The following KCNT2 variants were observed in gnomAD, a reference collection of about 807,000 sequenced individuals.
The protein encoded by KCNT2 is potassium channel subfamily T member 2.
Under a neutral mutation model 153.8 loss-of-function variants are expected in KCNT2, and 67 were observed. The ratio of observed to expected loss-of-function variants is 0.44; its 90% CI spans 0.36 to 0.53. The LOEUF is 0.53. Ranked by LOEUF, KCNT2 falls within the 20% of genes least tolerant of loss-of-function variation. The pLI is 0.00. For missense variants in KCNT2, 975 were observed against 1,354.8 expected, an observed-to-expected ratio of 0.72 and a Z score of 4.40; for synonymous variants, 500 against 458.8, an observed-to-expected ratio of 1.09 and a Z score of -1.15.
At chr1:196,398,981 A>C (rs1671183987) in intron 12 of KCNT2, among the ~76,000 whole-genome samples, 2 of 151,608 alleles carry the variant, frequency 1.3e-5, no homozygotes, top group African/African-American at 2.4e-5. Context: ...AGCAAAACTA[A>C]TAGTTTGTAA....
intron 13 of KCNT2, among the ~76,000 whole-genome samples, chr1:196,383,244 T>G (rs76571267): frequency 1.1e-3 from 171 of 152,316 alleles, no homozygotes; most frequent in African/African-American, 4.1e-3. Context: ...CGTAACCCAT[T>G]GCAAGCACAT....
intron 14 of KCNT2, among the ~76,000 whole-genome samples, chr1:196,371,842 A>G (rs1668565622): frequency 6.6e-6 from 1 of 152,080 alleles, no homozygotes; most frequent in African/African-American, 2.4e-5. Flanking sequence ...TGTGTTATAT[A>G]GTGTTTATGG....
At chr1:196,312,386 C>A (rs570839849) in intron 21 of KCNT2, among the ~76,000 whole-genome samples, 4 of 150,958 alleles carry the variant, frequency 2.6e-5, no homozygotes, top group Admixed American at 6.6e-5. Flanking sequence ...GTGTCCCCTC[C>A]GCGAGAAAAA....
Position 196,310,262 on chromosome 1 carries a change from T to C in KCNT2, c.2484-4917A>G, listed in dbSNP as rs181645317. Among the ~76,000 whole-genome samples, 182 of 152,030 alleles carry C rather than the reference T, an allele frequency of 1.2e-3. 1 individual carries two copies. The highest frequency in any genetic ancestry group is 4.2e-3 in the African/African-American group (176 of 41,534). ...TTAATTAACAGGGGGTATACATTAA[T>C]AGGAGGTATACAGACACACTTAGAT... On this transcript the variant is annotated intron_variant, in intron 21 of 27. Coordinates refer to ENST00000294725, the MANE Select transcript of KCNT2 (RefSeq NM_198503.5).
At chr1:196,562,632 A>G (rs926019995) in intron 1 of KCNT2, among the ~76,000 whole-genome samples, 1 of 151,992 alleles carries the variant, frequency 6.6e-6, no homozygotes, top group African/African-American at 2.4e-5. Context: ...GGGGAAAAAA[A>G]CAAAAATAAT....
intron 22 of KCNT2, among the ~76,000 whole-genome samples, chr1:196,289,929 T>C (rs1660031478): frequency 6.6e-6 from 1 of 152,088 alleles, no homozygotes; most frequent in African/African-American, 2.4e-5. Flanking sequence ...ATGTTTGGTC[T>C]TACCTACTTT....
chr1:196,380,949 G>T (rs77824746), intron 13 of KCNT2, among the ~76,000 whole-genome samples: 5,032 of 152,224 alleles, frequency 0.033, 120 homozygotes, highest in South Asian at 0.07. Context: ...AATTCAGATT[G>T]TGAGGCATTC....
At chr1:196,594,672 G>A (rs540605198) in intron 1 of KCNT2, among the ~76,000 whole-genome samples, 1 of 152,178 alleles carries the variant, frequency 6.6e-6, no homozygotes, top group South Asian at 2.1e-4. Flanking sequence ...AGTAATCAGA[G>A]TGATTTCAAA....
intron 5 of KCNT2, among the ~76,000 whole-genome samples, chr1:196,470,177 A>T (rs945616632): frequency 1.3e-5 from 2 of 152,166 alleles, no homozygotes; most frequent in African/African-American, 4.8e-5. Flanking sequence ...CCTTATAGAG[A>T]TGTTACAGGT....
intron 14 of KCNT2, among the ~76,000 whole-genome samples, chr1:196,348,192 T>C (rs572906526): frequency 2.5e-4 from 38 of 149,070 alleles, no homozygotes; most frequent in Non-Finnish European, 4.6e-4. Context: ...CTATGATAAA[T>C]GTGTCATTAG....
At chr1:196,371,382 G>C (rs1572201870) in intron 14 of KCNT2, among the ~76,000 whole-genome samples, 1 of 151,950 alleles carries the variant, frequency 6.6e-6, no homozygotes, top group Admixed American at 6.6e-5. Flanking sequence ...TGATGCTAAA[G>C]GGTAGATAAT....
chr1:196,228,287 G>C lies in KCNT2; in HGVS notation c.3345C>G (p.Pro1115=), dbSNP rs771631802. 3.7e-6 allele frequency: 6 copies of C among 1,611,104 alleles called. No individual in the cohort carries two copies. Among genetic ancestry groups the C allele is most frequent in the Admixed American group, 1.7e-5 (1 of 59,690 alleles). Residue 1115 remains proline, a synonymous_variant, in exon 28 of 28, where the codon CCC becomes CCG. Transcript: ENST00000294725. ...DPLAYLPNSE[P]SRRNSICNVT... is the part of the protein sequence containing the mutation. ...CATTGCAGATGCTGTTTCTTCGACT[G>C]GGCTCACTGTTTGGAAGGTAGGCCA... is the stretch of plus-strand genomic sequence containing the variant.
chr1:196,275,736 C>A (rs1453277210), intron 25 of KCNT2, among the ~76,000 whole-genome samples: 1 of 151,506 alleles, frequency 6.6e-6, no homozygotes, highest in African/African-American at 2.4e-5. Flanking sequence ...GAAAGCAAAG[C>A]CTAAAGTCTT....
chr1:196,259,095 C>G (rs1283880045), intron 25 of KCNT2, among the ~76,000 whole-genome samples: 1 of 152,028 alleles, frequency 6.6e-6, no homozygotes, highest in Non-Finnish European at 1.5e-5. Context: ...AAGTGCTTTT[C>G]TGACTAAAAT....
intron 8 of KCNT2, among the ~76,000 whole-genome samples, chr1:196,458,459 C>G (rs183416254): frequency 4.1e-4 from 63 of 151,884 alleles, no homozygotes; most frequent in African/African-American, 1.5e-3. Context: ...TTTGTTGTTA[C>G]GTAATTCTAA....
At chr1:196,581,008 T>A (rs1661970727) in intron 1 of KCNT2, among the ~76,000 whole-genome samples, 1 of 152,134 alleles carries the variant, frequency 6.6e-6, no homozygotes, top group Non-Finnish European at 1.5e-5. Context: ...GAACATTTTT[T>A]AAAGAACAGG....
intron 26 of KCNT2, among the ~76,000 whole-genome samples, chr1:196,240,666 A>G (rs902738824): frequency 2.0e-5 from 3 of 152,020 alleles, no homozygotes; most frequent in African/African-American, 7.2e-5. Flanking sequence ...CAGGGAATGG[A>G]CTAAACTAAA....
chr1:196,266,726 G>GA (rs34746143), intron 25 of KCNT2, among the ~76,000 whole-genome samples: 3 of 152,046 alleles, frequency 2.0e-5, no homozygotes, highest in Admixed American at 6.6e-5. Flanking sequence ...TCTTAAACCT[G>GA]AAAAAAATAA....
chr1:196,580,094 G>C (rs1298309938), intron 1 of KCNT2, among the ~76,000 whole-genome samples: 1 of 152,128 alleles, frequency 6.6e-6, no homozygotes, highest in Non-Finnish European at 1.5e-5. Context: ...TTCTAGGGAA[G>C]CTTCTGGAAA....
Sources: allele counts gnomAD v4.1 joint callset (sites outside exome capture counted in the v4.1 genomes callset), GRCh38; gene constraint gnomAD v4.1.1; transcripts MANE v1.5; gene names NCBI Gene and HGNC (gene_info 2026-07-23, HGNC 2026-07-21).